CCDC60: variants seen among roughly 807,000 people sequenced by gnomAD.
The protein encoded by CCDC60 is coiled-coil domain-containing protein 60.
Under a neutral mutation model 63.5 loss-of-function variants are expected in CCDC60, and 54 were observed. That is an observed-to-expected ratio of 0.85 (90% confidence interval 0.68 to 1.07). The LOEUF (loss-of-function observed/expected upper bound fraction) is 1.07, where lower values mean the gene tolerates loss of function less well. Among genes scored for constraint, CCDC60 ranks in the 50% least tolerant of loss-of-function variants. The pLI is 0.00. For missense variants in CCDC60, 651 were observed against 684.3 expected, an observed-to-expected ratio of 0.95 and a Z score of 0.54; for synonymous variants, 206 against 238.8, an observed-to-expected ratio of 0.86 and a Z score of 1.27.
intron 1 of CCDC60, among the ~76,000 whole-genome samples, chr12:119,360,507 C>T (rs1250441047): frequency 2.7e-5 from 4 of 149,614 alleles, no homozygotes; most frequent in East Asian, 4.0e-4. Flanking sequence ...GGGCGGCTGC[C>T]GGGCGGAGGG....
intron 2 of CCDC60, among the ~76,000 whole-genome samples, chr12:119,444,086 T>G (rs1324717308): frequency 1.3e-5 from 2 of 152,202 alleles, no homozygotes; most frequent in Non-Finnish European, 2.9e-5. Context: ...GGACCCAAAG[T>G]TGTCTCATTC....
intron 2 of CCDC60, among the ~76,000 whole-genome samples, chr12:119,470,967 T>C (rs1289604243): frequency 1.3e-5 from 2 of 152,188 alleles, no homozygotes; most frequent in Non-Finnish European, 2.9e-5. Context: ...ACAAATAAAA[T>C]TGATGGTTGC....
chr12:119,424,981 C>T (rs1490562754), intron 1 of CCDC60, among the ~76,000 whole-genome samples: 1 of 151,484 alleles, frequency 6.6e-6, no homozygotes, highest in African/African-American at 2.4e-5. Context: ...GATGTGAATT[C>T]CTGGTGCACA....
At chr12:119,467,718 C>T (rs1322523741) in intron 2 of CCDC60, among the ~76,000 whole-genome samples, 1 of 152,224 alleles carries the variant, frequency 6.6e-6, no homozygotes, top group African/African-American at 2.4e-5. Flanking sequence ...TGTAAAGTGG[C>T]ATGACAATGA....
At chr12:119,481,533 T>C (rs1951318187) in intron 4 of CCDC60, among the ~76,000 whole-genome samples, 1 of 152,160 alleles carries the variant, frequency 6.6e-6, no homozygotes, top group Non-Finnish European at 1.5e-5. Flanking sequence ...CTTCTGTCAA[T>C]GTCAGATGGG....
chr12:119,534,103 G>A (rs1258511735), intron 13 of CCDC60, among the ~76,000 whole-genome samples: 3 of 152,112 alleles, frequency 2.0e-5, no homozygotes, highest in Non-Finnish European at 4.4e-5. Context: ...GTTGAGCAGT[G>A]GTTTGTAGTT....
chr12:119,422,851 A>ATT (rs146694295), intron 1 of CCDC60, among the ~76,000 whole-genome samples: 4 of 152,090 alleles, frequency 2.6e-5, no homozygotes, highest in African/African-American at 9.7e-5. Flanking sequence ...GGTTTTTGCC[A>ATT]TTTTAATGGC....
chr12:119,387,674 G>A (rs1349173885), intron 1 of CCDC60, among the ~76,000 whole-genome samples: 1 of 152,092 alleles, frequency 6.6e-6, no homozygotes, highest in Non-Finnish European at 1.5e-5. Context: ...TATACCATAT[G>A]TATTTATTTC....
intron 1 of CCDC60, among the ~76,000 whole-genome samples, chr12:119,335,632 T>C (rs1012940878): frequency 4.6e-5 from 7 of 151,884 alleles, no homozygotes; most frequent in African/African-American, 1.5e-4. Flanking sequence ...CTTTGCCCAC[T>C]TTTTGATGGG....
At position 119,520,210 on chromosome 12, in the gene CCDC60, C is replaced by CTGCA; in HGVS notation, c.1040+19_1040+22dup. 1.2e-6 allele frequency: 2 copies of CTGCA among 1,610,824 alleles called. No homozygotes were observed. The highest frequency in any genetic ancestry group is 4.5e-5 in the East Asian group (2 of 44,844). ...AAATCAAGGTAGGAAAGCCTGGAGCCTGCAGCAGGTGCCTCCGAAGGCAGC... is the reference window on the plus strand; with the variant it reads ...AAATCAAGGTAGGAAAGCCTGGAGCCTGCATGCAGCAGGTGCCTCCGAAGGCAGC... On this transcript the variant is annotated intron_variant, in intron 9 of 13. Coordinates refer to ENST00000327554, the MANE Select transcript of CCDC60 (RefSeq NM_178499.5).
rs1566019364 is a variant in CCDC60, at chr12:119,456,003, G to GAGAA, written c.171-15990_171-15989insGAAA. Among the ~76,000 whole-genome samples the GAGAA allele has an allele frequency of 3.1e-5, 2 of 64,968 alleles. No homozygotes were observed. The highest frequency in any genetic ancestry group is 6.1e-5 in the African/African-American group (1 of 16,292). 42.6% of individuals were successfully genotyped at this position (64,968 alleles called of 152,430 possible). ...GGAGAGAGAAAGAGAGAGAGAAAGA[G>GAGAA]AAAGAAAGAAAGAAAGAAAGAAAGA... On this transcript the variant is annotated intron_variant, in intron 2 of 13. Transcript: ENST00000327554. This position sits in a 1 kb window ranked among gnomAD's most constrained non-coding sequence, Gnocchi z 4.6.
intron 2 of CCDC60, among the ~76,000 whole-genome samples, chr12:119,448,440 C>A (rs1447043233): frequency 6.6e-6 from 1 of 152,156 alleles, no homozygotes; most frequent in African/African-American, 2.4e-5. Context: ...ATGATAGTGT[C>A]TACCTGTAGG....
intron 6 of CCDC60, among the ~76,000 whole-genome samples, chr12:119,504,829 C>A (rs565635708): frequency 6.6e-6 from 1 of 152,306 alleles, no homozygotes; most frequent in South Asian, 2.1e-4. Flanking sequence ...AGAATATACT[C>A]CACCACATTT....
intron 1 of CCDC60, among the ~76,000 whole-genome samples, chr12:119,356,478 G>T (rs1955720214): frequency 6.6e-6 from 1 of 152,024 alleles, no homozygotes; most frequent in African/African-American, 2.4e-5. Flanking sequence ...CTTTAGCAAA[G>T]AACTCATGTC....
chr12:119,504,392 AG>A (rs1951937011), intron 6 of CCDC60, among the ~76,000 whole-genome samples: 1 of 152,118 alleles, frequency 6.6e-6, no homozygotes, highest in Non-Finnish European at 1.5e-5. Context: ...AAAAATCCAC[AG>A]GACTTTCCCT....
chr12:119,465,971 TATG>T (rs1950946830), intron 2 of CCDC60, among the ~76,000 whole-genome samples: 1 of 152,230 alleles, frequency 6.6e-6, no homozygotes, highest in African/African-American at 2.4e-5. Context: ...CATCGTATTA[TATG>T]ATGTCATATA....
intron 1 of CCDC60, among the ~76,000 whole-genome samples, chr12:119,380,747 G>A (rs929654731): frequency 6.6e-6 from 1 of 152,152 alleles, no homozygotes; most frequent in South Asian, 2.1e-4. Context: ...AGGACTTGTT[G>A]CTCTTCCTTT....
At chr12:119,360,885 G>A (rs953546574) in intron 1 of CCDC60, among the ~76,000 whole-genome samples, 4 of 152,170 alleles carry the variant, frequency 2.6e-5, no homozygotes, top group Non-Finnish European at 4.4e-5. Flanking sequence ...TGCAATCCCG[G>A]CACCTCGGGA....
chr12:119,496,929 C>T (rs1951726839), intron 5 of CCDC60, among the ~76,000 whole-genome samples: 1 of 152,134 alleles, frequency 6.6e-6, no homozygotes, highest in African/African-American at 2.4e-5. Context: ...GTTAGGCTGC[C>T]ATAATGAACA....
Sources: allele counts gnomAD v4.1 joint callset (sites outside exome capture counted in the v4.1 genomes callset), GRCh38; gene constraint gnomAD v4.1.1; non-coding constraint Gnocchi (gnomAD v3.1); transcripts MANE v1.5; gene names NCBI Gene and HGNC (gene_info 2026-07-23, HGNC 2026-07-21).